CFAP299: variants seen among roughly 807,000 people sequenced by gnomAD.
CFAP299 encodes cilia- and flagella-associated protein 299.
A neutral mutation model predicts 27.0 loss-of-function variants in CFAP299; 21 were observed. That is an observed-to-expected ratio of 0.78 (90% CI 0.55 to 1.12). CFAP299 has a LOEUF of 1.12. Among genes scored for constraint, CFAP299 ranks in the 50% most tolerant of loss-of-function variants. The pLI, the probability that CFAP299 is intolerant of heterozygous loss-of-function variation, is 0.00. For missense variants in CFAP299, 310 were observed against 276.6 expected, an observed-to-expected ratio of 1.12 and a Z score of -0.86; for synonymous variants, 104 against 98.1, an observed-to-expected ratio of 1.06 and a Z score of -0.36.
At chr4:80,670,243 G>GT (rs1339134543) in intron 3 of CFAP299, among the ~76,000 whole-genome samples, 1 of 151,892 alleles carries the variant, frequency 6.6e-6, no homozygotes, top group East Asian at 1.9e-4. Flanking sequence ...GCAGTGTTTG[G>GT]TTTTCTATCC....
intron 3 of CFAP299, among the ~76,000 whole-genome samples, chr4:80,635,251 C>A (rs555867929): frequency 6.6e-6 from 1 of 152,100 alleles, no homozygotes; most frequent in Non-Finnish European, 1.5e-5. Context: ...ACAGGTACAA[C>A]TAAACAGAAG....
intron 3 of CFAP299, among the ~76,000 whole-genome samples, chr4:80,605,840 CTT>C (rs1358708699): frequency 2.0e-5 from 3 of 151,902 alleles, no homozygotes; most frequent in Non-Finnish European, 2.9e-5. Context: ...TTTATTAACA[CTT>C]AAGTTTTTTT....
chr4:80,334,389 T>C (rs1323490504), upstream of CFAP299, among the ~76,000 whole-genome samples: 1 of 152,170 alleles, frequency 6.6e-6, no homozygotes, highest in Non-Finnish European at 1.5e-5. Flanking sequence ...AGGATTCTTC[T>C]GCCTCAGCTT....
At chr4:80,920,734 C>T (rs898223138) in intron 4 of CFAP299, among the ~76,000 whole-genome samples, 6 of 152,078 alleles carry the variant, frequency 3.9e-5, no homozygotes, top group Admixed American at 3.9e-4. Context: ...AAGGGGTAAG[C>T]TCTGGTCTCT....
At chr4:80,430,346 G>C (rs1727749651) in intron 2 of CFAP299, among the ~76,000 whole-genome samples, 1 of 152,144 alleles carries the variant, frequency 6.6e-6, no homozygotes, top group African/African-American at 2.4e-5. Flanking sequence ...TGACACTGCT[G>C]ATCTATTTCT....
intron 3 of CFAP299, among the ~76,000 whole-genome samples, chr4:80,691,362 A>G (rs1720674569): frequency 1.5e-5 from 2 of 137,062 alleles, no homozygotes; most frequent in Admixed American, 1.5e-4. Context: ...AGTGGGCTTC[A>G]TCCCTGGGAT....
At chr4:80,947,217 A>AT (rs1238907431) in intron 5 of CFAP299, among the ~76,000 whole-genome samples, 2 of 152,216 alleles carry the variant, frequency 1.3e-5, no homozygotes, top group South Asian at 4.1e-4. Context: ...ATTTGAAGAA[A>AT]TTTTTTTCCA....
chr4:80,512,101 CTT>C (rs774606384), intron 2 of CFAP299, among the ~76,000 whole-genome samples: 61 of 152,142 alleles, frequency 4.0e-4, no homozygotes, highest in Admixed American at 6.6e-4. Context: ...CTTTTTAACA[CTT>C]TTATTTGTGC....
chr4:80,431,414 CCCT>C lies in CFAP299; in HGVS notation c.242+68534_242+68536del, dbSNP rs1727810998. Among the ~76,000 whole-genome samples, 5 of 146,128 alleles carry C rather than the reference CCCT, an allele frequency of 3.4e-5. No individual in the cohort carries two copies. In the South Asian group the frequency reaches 1.2e-3, roughly 34 times the overall value. ...TCCCTCTCTTCCTTTCTTCCTTCCT[CCCT>C]CCTTTTTTCCCTTCCTCCCTTCCTT... On this transcript the variant is annotated intron_variant, in intron 2 of 5. Coordinates refer to ENST00000358105, the MANE Select transcript of CFAP299 (RefSeq NM_152770.3).
chr4:80,333,068 C>T (rs925752042), upstream of CFAP299, among the ~76,000 whole-genome samples: 4 of 152,134 alleles, frequency 2.6e-5, no homozygotes, highest in African/African-American at 7.2e-5. Context: ...GGAATTCCAT[C>T]TTATACTTGT....
chr4:80,404,065 A>G (rs577262724), intron 2 of CFAP299, among the ~76,000 whole-genome samples: 6 of 152,316 alleles, frequency 3.9e-5, no homozygotes, highest in South Asian at 4.1e-4. Context: ...TTGAACATAC[A>G]TGATTTAAAA....
At chr4:80,598,582 T>C (rs1359006569) in intron 3 of CFAP299, among the ~76,000 whole-genome samples, 2 of 152,216 alleles carry the variant, frequency 1.3e-5, no homozygotes, top group East Asian at 3.8e-4. Context: ...TATCAGGGTA[T>C]TTTGGAATCC....
chr4:80,447,633 A>G (rs1728711893), intron 2 of CFAP299, among the ~76,000 whole-genome samples: 2 of 151,130 alleles, frequency 1.3e-5, no homozygotes, highest in Non-Finnish European at 2.9e-5. Flanking sequence ...TTTTATGTTT[A>G]GTAGAGATGG....
chr4:80,610,126 G>A (rs1440238371), intron 3 of CFAP299, among the ~76,000 whole-genome samples: 4 of 151,688 alleles, frequency 2.6e-5, no homozygotes, highest in African/African-American at 9.7e-5. Flanking sequence ...TTTATTAATT[G>A]AAGAGATTCT....
At chr4:80,490,075 G>T (rs150240624) in intron 2 of CFAP299, among the ~76,000 whole-genome samples, 2 of 152,132 alleles carry the variant, frequency 1.3e-5, no homozygotes, top group Non-Finnish European at 2.9e-5. Flanking sequence ...GACAACCCGC[G>T]TAAGTGACCA....
chr4:80,692,164 G>T lies in CFAP299; in HGVS notation c.333+108981G>T, dbSNP rs557676066. On this transcript the variant is annotated intron_variant, in intron 3 of 5. Transcript: ENST00000358105. ...AATGCCATCCCCATCAAGCTACCAA[G>T]GACTTTCTTCACAGAATTGGGAAAA... Among the ~76,000 whole-genome samples the T allele has an allele frequency of 9.1e-3, 1,386 of 152,162 alleles. 9 individuals carry two copies. Among genetic ancestry groups the T allele is most frequent in the Non-Finnish European group, 0.012 (838 of 67,994 alleles).
At chr4:80,958,609 C>T (rs148986531) in intron 5 of CFAP299, among the ~76,000 whole-genome samples, 8 of 152,234 alleles carry the variant, frequency 5.3e-5, no homozygotes, top group African/African-American at 1.4e-4. Context: ...AAAAATGAAA[C>T]GTTAAGACAA....
At chr4:80,488,072 T>C (rs190823971) in intron 2 of CFAP299, among the ~76,000 whole-genome samples, 1 of 152,218 alleles carries the variant, frequency 6.6e-6, no homozygotes, top group African/African-American at 2.4e-5. Flanking sequence ...AATACTAATA[T>C]AGATAAAATG....
At chr4:80,779,835 A>G (rs1726769883) in intron 3 of CFAP299, among the ~76,000 whole-genome samples, 1 of 152,046 alleles carries the variant, frequency 6.6e-6, no homozygotes, top group Admixed American at 6.6e-5. Context: ...TTTGTACATA[A>G]AATGATAGGA....
Sources: allele counts gnomAD v4.1 joint callset (sites outside exome capture counted in the v4.1 genomes callset), GRCh38; gene constraint gnomAD v4.1.1; transcripts MANE v1.5; gene names NCBI Gene and HGNC (gene_info 2026-07-23, HGNC 2026-07-21).